Variants in CNDP1 observed in about 807,000 individuals in gnomAD.
CNDP1 encodes the protein beta-Ala-His dipeptidase.
Under a neutral mutation model 58.1 loss-of-function variants are expected in CNDP1, and 44 were observed. The observed-to-expected ratio is 0.76, with a 90% confidence interval of 0.60 to 0.97. The LOEUF (loss-of-function observed/expected upper bound fraction) is 0.97. CNDP1 is among the 50% of genes least tolerant of loss of function. The pLI is 0.00. For missense variants in CNDP1, 616 were observed against 655.1 expected, an observed-to-expected ratio of 0.94 and a Z score of 0.65; for synonymous variants, 254 against 252.6, an observed-to-expected ratio of 1.01 and a Z score of -0.05.
At chr18:74,582,657 A>G (rs1368448460) in intron 10 of CNDP1, among the ~76,000 whole-genome samples, 3 of 152,230 alleles carry the variant, frequency 2.0e-5, no homozygotes, top group Admixed American at 1.3e-4. Flanking sequence ...CTACCGACTG[A>G]TAAGCTTCAA....
chr18:74,583,753 T>G, intron 11 of CNDP1, 45 bp downstream of exon 11: 2 of 1,597,198 alleles, frequency 1.3e-6, no homozygotes, highest in Admixed American at 1.7e-5. Context: ...CTTCCTTTAC[T>G]GCACACACCC....
chr18:74,580,380 C>T, intron 10 of CNDP1, 109 bp downstream of exon 10: 4 of 1,101,232 alleles, frequency 3.6e-6, no homozygotes, highest in East Asian at 4.8e-5. Context: ...ATCAACTCTC[C>T]TTTTAATACA....
At chr18:74,536,238 C>G (rs1221705200) in intron 1 of CNDP1, among the ~76,000 whole-genome samples, 2 of 152,012 alleles carry the variant, frequency 1.3e-5, no homozygotes, top group Admixed American at 1.3e-4. Context: ...TATTTAATCA[C>G]CCAGGTATTA....
intron 2 of CNDP1, 41 bp downstream of exon 2, chr18:74,556,507 G>T: frequency 6.2e-7 from 1 of 1,609,586 alleles, no homozygotes; most frequent in East Asian, 2.2e-5. Context: ...AGAATGCTTG[G>T]ATTATATCCT....
chr18:74,572,696 G>A (rs1981509539), intron 7 of CNDP1, among the ~76,000 whole-genome samples: 1 of 151,298 alleles, frequency 6.6e-6, no homozygotes. Context: ...GCTGAGGCAG[G>A]AGGGTCGCTT....
At chr18:74,584,315 A>T in intron 11 of CNDP1, 181 bp from the exon 12 acceptor site, 1 of 582,578 alleles carries the variant, frequency 1.7e-6, no homozygotes, top group Non-Finnish European at 3.1e-6. Context: ...CTTAATAATA[A>T]TAATGCAATT....
At chr18:74,583,416 C>T (rs1568302154) in intron 10 of CNDP1, 145 bp from the exon 11 acceptor site, 2 of 671,746 alleles carry the variant, frequency 3.0e-6, no homozygotes, top group East Asian at 2.6e-5. Flanking sequence ...GGCTTCCTTA[C>T]CCCAAAGCAC....
At chr18:74,542,429 C>T (rs1224013071) in intron 1 of CNDP1, among the ~76,000 whole-genome samples, 4 of 152,158 alleles carry the variant, frequency 2.6e-5, no homozygotes, top group African/African-American at 4.8e-5. Flanking sequence ...CACCAGGTAG[C>T]GTTCCCAGCA....
At chr18:74,578,556 G>A (rs754013202) in intron 9 of CNDP1, among the ~76,000 whole-genome samples, 1 of 152,092 alleles carries the variant, frequency 6.6e-6, no homozygotes, top group African/African-American at 2.4e-5. Flanking sequence ...AAGCCCAGGG[G>A]TTTAAGGCTG....
chr18:74,579,198 C>CCCTTGCCTTCCCTTG (rs1981719463), intron 9 of CNDP1, among the ~76,000 whole-genome samples: 3 of 110,272 alleles, frequency 2.7e-5, no homozygotes, highest in Admixed American at 8.5e-5. Context: ...TCCTTCCCTT[C>CCCTTGCCTTCCCTTG]CCTTGCCTTC....
intron 11 of CNDP1, 70 bp downstream of exon 11, chr18:74,583,778 G>A: frequency 6.9e-7 from 1 of 1,451,526 alleles, no homozygotes. Flanking sequence ...CTACACGTGG[G>A]TGAGCTCCTG....
Position 74,562,583 on chromosome 18 carries a change from C to T in CNDP1, c.555+448C>T, listed in dbSNP as rs147724490. ...ACACATTTTTAAAATGTATCAGCTA[C>T]TTTGCAAATGATCAAGATAGGAATC... On this transcript the variant is annotated intron_variant, in intron 5 of 11. Coordinates refer to ENST00000358821, the MANE Select transcript of CNDP1 (RefSeq NM_032649.6). Among the ~76,000 whole-genome samples the T allele has an allele frequency of 6.6e-5, 10 of 152,280 alleles. No individual in the cohort carries two copies. In the East Asian group the frequency reaches 1.9e-3, roughly 29 times the overall value.
At chr18:74,561,931 G>C (rs1369075139) in intron 4 of CNDP1, 116 bp from the exon 5 acceptor site, 2 of 791,282 alleles carry the variant, frequency 2.5e-6, no homozygotes, top group Non-Finnish European at 4.2e-6. Flanking sequence ...ATTTGAGCCT[G>C]CAATATTATT....
At position 74,576,905 on chromosome 18, in the gene CNDP1, C is replaced by T. The variant is rs1179896420; in HGVS notation, c.878C>T (p.Pro293Leu). The T allele has an allele frequency of 6.2e-7, 1 of 1,613,280 alleles. No individual in the cohort carries two copies. Among genetic ancestry groups the T allele is most frequent in the Admixed American group, 1.7e-5 (1 of 59,934 alleles). Reference protein sequence around the residue: ...LVDSSGHILVPGIYDEVVPLT... With the variant: ...LVDSSGHILVLGIYDEVVPLT... ...GACTCGTCTGGTCATATCCTGGTCC[C>T]TGGAATCTATGATGAAGTGGTTCCT... The change falls in exon 8 of 12, where the codon CCT becomes CTT. Residue 293 changes from proline to leucine, a missense_variant. Coordinates refer to ENST00000358821, the MANE Select transcript of CNDP1 (RefSeq NM_032649.6).
chr18:74,559,475 G>A lies in CNDP1; in HGVS notation c.303+3G>A. On this transcript the variant is annotated splice_donor_region_variant and intron_variant, in intron 3 of 11. Transcript: ENST00000358821. Reference sequence around the variant, plus strand: ...CGGTGGACATGGGTCCTCAGCAGGTGCTGTACGATTCCCTCCCACTGAGGG... The same window carrying A: ...CGGTGGACATGGGTCCTCAGCAGGTACTGTACGATTCCCTCCCACTGAGGG... 6.2e-7 allele frequency: 1 copy of A among 1,602,850 alleles called. No homozygotes were observed. Among genetic ancestry groups the A allele is most frequent in the Admixed American group, 1.7e-5 (1 of 58,704 alleles).
intron 1 of CNDP1, among the ~76,000 whole-genome samples, chr18:74,544,675 T>A (rs9955944): frequency 7.0e-6 from 1 of 143,094 alleles, no homozygotes; most frequent in East Asian, 2.1e-4. Flanking sequence ...ACCAAGATCA[T>A]GTCACTGCAC....
At chr18:74,566,582 A>G (rs998068606) in intron 5 of CNDP1, among the ~76,000 whole-genome samples, 1 of 152,356 alleles carries the variant, frequency 6.6e-6, no homozygotes, top group African/African-American at 2.4e-5. Flanking sequence ...CTAAAACAAA[A>G]CAAGAGTCAC....
At chr18:74,581,218 C>G (rs1197106171) in intron 10 of CNDP1, among the ~76,000 whole-genome samples, 1 of 138,424 alleles carries the variant, frequency 7.2e-6, no homozygotes, top group Non-Finnish European at 1.6e-5. Flanking sequence ...CACACCTATC[C>G]TGTGTGTGTG....
intron 1 of CNDP1, among the ~76,000 whole-genome samples, chr18:74,537,846 T>C (rs775714039): frequency 4.6e-5 from 7 of 152,194 alleles, no homozygotes; most frequent in Admixed American, 1.3e-4. Context: ...CTTGTTTCTT[T>C]CCACATAAAG....
Sources: gnomAD v4.1 joint callset for allele counts (sites outside exome capture counted in the v4.1 genomes callset) on GRCh38, gnomAD v4.1.1 for gene constraint, MANE v1.5 for transcripts, NCBI Gene and HGNC (gene_info 2026-07-23, HGNC 2026-07-21) for gene names.